ODAD2: variants seen among roughly 807,000 people sequenced by gnomAD.
The protein encoded by ODAD2 is outer dynein arm-docking complex subunit 2.
A neutral mutation model predicts 106.8 loss-of-function variants in ODAD2; 89 were observed. The ratio of observed to expected loss-of-function variants is 0.83; its 90% CI spans 0.70 to 0.99. The LOEUF is 0.99. Ranked by LOEUF, ODAD2 falls within the 50% of genes least tolerant of loss-of-function variation. The pLI is 0.00. For missense variants in ODAD2, 1,168 were observed against 1,238.5 expected (o/e 0.94, Z 0.85); for synonymous variants, 404 against 436.2 (o/e 0.93, Z 0.92).
At chr10:27,973,852 T>C (rs1564566682) in intron 7 of ODAD2, among the ~76,000 whole-genome samples, 3 of 152,220 alleles carry the variant, frequency 2.0e-5, no homozygotes, top group African/African-American at 7.2e-5. Context: ...CCTTGAGGAA[T>C]TGCCACACTG....
chr10:27,918,164 A>G (rs547442684), intron 16 of ODAD2, among the ~76,000 whole-genome samples: 3 of 151,964 alleles, frequency 2.0e-5, no homozygotes, highest in Non-Finnish European at 4.4e-5. Flanking sequence ...TAATTTCTCA[A>G]CTTGTCCTAT....
intron 19 of ODAD2, among the ~76,000 whole-genome samples, chr10:27,843,733 C>T (rs530670090): frequency 1.3e-5 from 2 of 152,160 alleles, no homozygotes; most frequent in South Asian, 4.1e-4. Flanking sequence ...CACCATTGCA[C>T]TCCTGCCTGG....
chr10:27,858,100 C>T (rs991550026), intron 19 of ODAD2, among the ~76,000 whole-genome samples: 2 of 152,202 alleles, frequency 1.3e-5, no homozygotes, highest in African/African-American at 4.8e-5. Context: ...AAATCTTCCT[C>T]TTCATCTAGG....
At chr10:27,920,306 G>T (rs559023558) in intron 16 of ODAD2, among the ~76,000 whole-genome samples, 1 of 152,128 alleles carries the variant, frequency 6.6e-6, no homozygotes, top group South Asian at 2.1e-4. Flanking sequence ...AAATTTTAAA[G>T]GCTTTTTATT....
At chr10:27,851,343 G>A (rs190490676) in intron 19 of ODAD2, among the ~76,000 whole-genome samples, 25 of 152,068 alleles carry the variant, frequency 1.6e-4, no homozygotes, top group African/African-American at 5.3e-4. Flanking sequence ...AACAAAGCTC[G>A]GGAATATTTA....
At chr10:27,952,264 T>C (rs1197514718) in intron 10 of ODAD2, among the ~76,000 whole-genome samples, 1 of 151,866 alleles carries the variant, frequency 6.6e-6, no homozygotes, top group East Asian at 1.9e-4. Flanking sequence ...ACTAGAAATA[T>C]GAAAATTCAA....
chr10:27,958,034 C>T (rs896394683), intron 10 of ODAD2, among the ~76,000 whole-genome samples: 6 of 152,140 alleles, frequency 3.9e-5, no homozygotes, highest in African/African-American at 9.6e-5. Context: ...CTTTTAATAT[C>T]GTTTTGTGTC....
In ODAD2 at chr10:27,940,756, C is replaced by T. The variant is rs1315009522; in HGVS notation, c.1793G>A (p.Ser598Asn). 6.2e-7 allele frequency: 1 copy of T among 1,614,120 alleles called. No homozygotes were observed. The highest frequency in any genetic ancestry group is 2.2e-5 in the East Asian group (1 of 44,860). ...AHDSTKPAQS[S>N]LYEARDVEVA... ...TTCCACGTCTCTGGCCTCATACAGA[C>T]TCGATTGGGCAGGTTTTGTGGAATC... is the stretch of plus-strand genomic sequence containing the variant. Residue 598 changes from serine to asparagine, a missense_variant, in exon 13 of 20, where the codon AGT becomes AAT. Physicochemically the swap from Ser to Asn is conservative, Grantham distance 46. Around this residue, in one of 3 missense-constraint regions of ODAD2, gnomAD observed 701 missense variants for 712.3 expected, o/e 0.98. Transcript: ENST00000305242.
chr10:27,968,910 A>G lies in ODAD2; in HGVS notation c.1238+13T>C. 5.0e-6 allele frequency: 3 copies of G among 601,374 alleles called. No individual in the cohort carries two copies. The highest frequency in any genetic ancestry group is 2.0e-5 in the South Asian group (1 of 50,162). 37.3% of individuals were successfully genotyped at this position (601,374 alleles called of 1,614,324 possible). On this transcript the variant is annotated intron_variant, in intron 9 of 19. Coordinates refer to ENST00000305242, the MANE Select transcript of ODAD2 (RefSeq NM_018076.5). ...TGGCTTTAGGGAACTCGTCTTGCTG[A>G]CCAGAAACATACCGAAGTAATTGTG...
intron 19 of ODAD2, among the ~76,000 whole-genome samples, chr10:27,847,158 G>A (rs1444665002): frequency 6.6e-6 from 1 of 152,146 alleles, no homozygotes; most frequent in African/African-American, 2.4e-5. Context: ...GATGAACATT[G>A]ATGCAAAAAT....
In ODAD2 at chr10:27,883,214, C is replaced by T. The variant is rs79415008; in HGVS notation, c.2611-20592G>A. The stretch of plus-strand genomic sequence containing the variant: ...TAGTAATATTAATGCACACAGAACC[C>T]TTATCACAGGGTGGCAGACTTAAGA... On this transcript the variant is annotated intron_variant, in intron 17 of 19. Transcript: ENST00000305242. Among the ~76,000 whole-genome samples, 1,199 of 152,082 alleles carry T rather than the reference C, an allele frequency of 7.9e-3. 13 individuals are homozygous for T. The highest frequency in any genetic ancestry group is 0.028 in the African/African-American group (1,142 of 41,510).
intron 19 of ODAD2, among the ~76,000 whole-genome samples, chr10:27,838,232 T>A (rs1484840093): frequency 3.9e-5 from 6 of 152,228 alleles, no homozygotes; most frequent in African/African-American, 1.4e-4. Context: ...TACTTACTCA[T>A]GAAGTCTGAA....
At position 27,944,373 on chromosome 10, in the gene ODAD2, A is replaced by C. The variant is rs370164015; in HGVS notation, c.1592T>G (p.Ile531Ser). ...ISHNPQIRQNIVDLGGLPIMV... is the reference protein window; with the variant it reads ...ISHNPQIRQNSVDLGGLPIMV... ...AATTGGTAAGCCCCCAAGGTCAACA[A>C]TATTCTGTCTGATTTGAGGATTATG... is the stretch of plus-strand genomic sequence containing the variant. The change falls in exon 12 of 20, where the codon ATT (isoleucine) becomes AGT (serine). Residue 531 changes from isoleucine (I) to serine (S), a missense_variant. By Grantham distance (142) the Ile-to-Ser change is moderately radical. Transcript: ENST00000305242. 42 of 1,613,910 alleles carry C rather than the reference A, an allele frequency of 2.6e-5. No individual in the cohort carries two copies. The Admixed American group carries it at 4.3e-4, about 17-fold the overall frequency.
At chr10:27,936,916 A>C (rs1210939080) in intron 14 of ODAD2, 36 bp from the exon 15 acceptor site, 8 of 1,561,720 alleles carry the variant, frequency 5.1e-6, no homozygotes, top group Non-Finnish European at 6.9e-6. Flanking sequence ...GTCAGTCATC[A>C]AGGAATATCA....
rs928682408 is a variant in ODAD2, at chr10:27,997,820, C to A, written c.-39+1174G>T. Among the ~76,000 whole-genome samples the A allele has an allele frequency of 3.3e-5, 5 of 152,136 alleles. No individual in the cohort carries two copies. The East Asian group carries it at 5.8e-4, about 18-fold the overall frequency. On this transcript the variant is annotated intron_variant, in intron 1 of 19. Transcript: ENST00000305242. ...TTGCTCCCCGGTTTCTGCCCATTGCCAAGCTCTTTTGGCTTAAGAACCATA... is the reference window on the plus strand; with the variant it reads ...TTGCTCCCCGGTTTCTGCCCATTGCAAAGCTCTTTTGGCTTAAGAACCATA...
intron 19 of ODAD2, among the ~76,000 whole-genome samples, chr10:27,830,676 C>T (rs546200878): frequency 1.2e-4 from 18 of 152,266 alleles, no homozygotes; most frequent in African/African-American, 2.6e-4. Flanking sequence ...TATACTGACT[C>T]GTCTGAATAT....
chr10:27,844,128 G>C (rs1043328126), intron 19 of ODAD2, among the ~76,000 whole-genome samples: 3 of 152,184 alleles, frequency 2.0e-5, no homozygotes, highest in Non-Finnish European at 4.4e-5. Flanking sequence ...ACAGGAGTTA[G>C]AGGCTTCAGT....
At chr10:27,833,862 C>T (rs931095180) in intron 19 of ODAD2, among the ~76,000 whole-genome samples, 2 of 152,216 alleles carry the variant, frequency 1.3e-5, no homozygotes, top group African/African-American at 4.8e-5. Context: ...GTACACCTCC[C>T]TGAAGAACAA....
chr10:27,923,914 A>G (rs1444545152), intron 16 of ODAD2, among the ~76,000 whole-genome samples: 1 of 150,356 alleles, frequency 6.7e-6, no homozygotes, highest in Non-Finnish European at 1.5e-5. Context: ...ACACCACTGC[A>G]TTCCAGGTGA....
Sources: gnomAD v4.1 joint callset for allele counts (sites outside exome capture counted in the v4.1 genomes callset) on GRCh38, gnomAD v4.1.1 for gene constraint, gnomAD v4.1.1 regional missense constraint, MANE v1.5 for transcripts, NCBI Gene and HGNC (gene_info 2026-07-23, HGNC 2026-07-21) for gene names.